The following ZC3H7A variants were observed in gnomAD, a reference collection of about 807,000 sequenced individuals.
ZC3H7A encodes zinc finger CCCH domain-containing protein 7A.
ZC3H7A carries 44 observed loss-of-function variants against 125.5 expected under a neutral mutation model. The ratio of observed to expected loss-of-function variants is 0.35; its 90% CI spans 0.28 to 0.45. ZC3H7A has a LOEUF of 0.45. ZC3H7A is among the 20% of genes least tolerant of loss of function. The pLI is 1.00. For missense variants in ZC3H7A, 977 were observed against 1,170.7 expected, an observed-to-expected ratio of 0.83 and a Z score of 2.41; for synonymous variants, 399 against 391.2, an observed-to-expected ratio of 1.02 and a Z score of -0.23.
chr16:11,753,475 G>A (rs8047967), intron 21 of ZC3H7A, among the ~76,000 whole-genome samples: 6,289 of 152,048 alleles, frequency 0.041, 452 homozygotes, highest in African/African-American at 0.14. Flanking sequence ...ACATGGTCTC[G>A]CTGTCATCCA....
intron 5 of ZC3H7A, 84 bp downstream of exon 5, chr16:11,776,667 T>G: frequency 3.9e-6 from 6 of 1,524,204 alleles, no homozygotes; most frequent in Non-Finnish European, 5.3e-6. Flanking sequence ...GGTTGATGGA[T>G]GACTGGAAAA....
intron 20 of ZC3H7A, 57 bp downstream of exon 20, chr16:11,758,374 G>C: frequency 1.5e-6 from 2 of 1,295,184 alleles, no homozygotes; most frequent in Admixed American, 1.7e-5. Flanking sequence ...TATTTATAGA[G>C]AGGAAAAGAA....
Position 11,751,265 on chromosome 16 carries a change from C to T in ZC3H7A, c.*52G>A. On this transcript the variant is annotated 3_prime_UTR_variant, in exon 23 of 23. Coordinates refer to ENST00000355758, the MANE Select transcript of ZC3H7A (RefSeq NM_014153.4). ...TCTGCTATGTGCCTCAGAACACTTT[C>T]AATTTTTCTGGTCAATGCTCTGATT... 1 of 1,535,242 alleles carries T rather than the reference C, an allele frequency of 6.5e-7. No homozygotes were observed. Among genetic ancestry groups the T allele is most frequent in the Admixed American group, 2.0e-5 (1 of 49,340 alleles).
Position 11,751,245 on chromosome 16 carries a change from T to C in ZC3H7A, c.*72A>G, listed in dbSNP as rs1340726492. On this transcript the variant is annotated 3_prime_UTR_variant, in exon 23 of 23. Transcript: ENST00000355758. ...AGCAGGAAATCTGCAGCTCCTCTGC[T>C]ATGTGCCTCAGAACACTTTCAATTT... is the stretch of plus-strand genomic sequence containing the variant. The C allele has an allele frequency of 4.1e-6, 6 of 1,450,518 alleles. No individual in the cohort carries two copies. Among genetic ancestry groups the C allele is most frequent in the Non-Finnish European group, 3.7e-6 (4 of 1,077,040 alleles). The allele number at this position is 1,450,518 out of a possible 1,614,324, so 89.9% of individuals were successfully genotyped here. A position where few individuals can be genotyped will look rare whatever the true frequency, so the allele number is the denominator to read the frequency against.
At position 11,774,345 on chromosome 16, in the gene ZC3H7A, T is replaced by C. The variant is rs2053043588; in HGVS notation, c.794A>G (p.Lys265Arg). 6.2e-7 allele frequency: 1 copy of C among 1,614,028 alleles called. No individual in the cohort carries two copies. The highest frequency in any genetic ancestry group is 1.3e-5 in the African/African-American group (1 of 74,934). ...LPSAVLANGG[K>R]MPFTMPEAFL... ...AGCTTCTGGCATAGTGAAGGGCATC[T>C]TTCCTCCATTTGCCAGCACTGCAGA... Residue 265 changes from lysine to arginine, a missense_variant, in exon 9 of 23, where the codon AAG (lysine) becomes AGG (arginine). By Grantham distance (26) the Lys-to-Arg change is conservative (BLOSUM62 2). This residue lies in a region of ZC3H7A where 342 missense variants were observed against 311.3 expected (regional missense o/e 1.10). Coordinates refer to ENST00000355758, the MANE Select transcript of ZC3H7A (RefSeq NM_014153.4).
Position 11,770,188 on chromosome 16 carries a change from A to T in ZC3H7A, c.1108+595T>A, listed in dbSNP as rs2052955105. Among the ~76,000 whole-genome samples the T allele has an allele frequency of 2.0e-5, 3 of 152,128 alleles. No homozygotes were observed. The South Asian group carries it at 6.2e-4, about 31-fold the overall frequency. ...AGTCAATCTTTAAGTCAATTATGTA[A>T]GATTTTTGCCCTTTTAGCCACGTAA... On this transcript the variant is annotated intron_variant, in intron 10 of 22. Coordinates refer to ENST00000355758, the MANE Select transcript of ZC3H7A (RefSeq NM_014153.4).
intron 21 of ZC3H7A, among the ~76,000 whole-genome samples, chr16:11,754,424 G>A: frequency 6.6e-6 from 1 of 151,120 alleles, no homozygotes; most frequent in Non-Finnish European, 1.5e-5. Flanking sequence ...CATGTCACAA[G>A]CAGAGAGACG....
chr16:11,795,270 G>A (rs2053418564), intron 1 of ZC3H7A, among the ~76,000 whole-genome samples: 1 of 152,218 alleles, frequency 6.6e-6, no homozygotes, highest in African/African-American at 2.4e-5. Flanking sequence ...GAGAGCTTAA[G>A]GGAAGGAGGC....
At chr16:11,791,689 C>G (rs1407080141) in intron 1 of ZC3H7A, among the ~76,000 whole-genome samples, 2 of 152,182 alleles carry the variant, frequency 1.3e-5, no homozygotes, top group Admixed American at 6.5e-5. Context: ...GGGTGCCCAG[C>G]AGGAAATGAC....
chr16:11,762,396 G>A (rs2052767445), intron 17 of ZC3H7A, among the ~76,000 whole-genome samples: 3 of 152,182 alleles, frequency 2.0e-5, no homozygotes, highest in South Asian at 2.1e-4. Flanking sequence ...CCCTTACTCC[G>A]AGAACCCGTA....
intron 19 of ZC3H7A, among the ~76,000 whole-genome samples, chr16:11,760,665 C>A (rs1392292477): frequency 6.6e-6 from 1 of 152,232 alleles, no homozygotes; most frequent in Non-Finnish European, 1.5e-5. Flanking sequence ...AGAGAGCTTA[C>A]TACCTGTAGA....
intron 4 of ZC3H7A, 62 bp downstream of exon 4, chr16:11,779,104 T>C (rs1369039720): frequency 7.5e-7 from 1 of 1,329,474 alleles, no homozygotes. Context: ...TTTATTAATG[T>C]ACTAAGTCAT....
chr16:11,756,521 C>T (rs1460339868), intron 20 of ZC3H7A, 151 bp from the exon 21 acceptor site: 2 of 971,642 alleles, frequency 2.1e-6, no homozygotes, highest in Non-Finnish European at 2.9e-6. Context: ...GAGAGATCAC[C>T]CAGTTCAAGC....
chr16:11,778,530 T>C (rs925306065), intron 4 of ZC3H7A, among the ~76,000 whole-genome samples: 1 of 151,298 alleles, frequency 6.6e-6, no homozygotes, highest in Non-Finnish European at 1.5e-5. Flanking sequence ...ATGTTAACTG[T>C]GAACAGGGAT....
In ZC3H7A at chr16:11,779,370, A is replaced by C. The variant is rs755110881; in HGVS notation, c.109-7T>G. 2 of 1,604,658 alleles carry C rather than the reference A, an allele frequency of 1.2e-6. No individual in the cohort carries two copies. Among genetic ancestry groups the C allele is most frequent in the South Asian group, 2.3e-5 (2 of 88,274 alleles). On this transcript the variant is annotated splice_polypyrimidine_tract_variant and splice_region_variant and intron_variant, in intron 3 of 22. Transcript: ENST00000355758. ...CGAGAGCACGCAAATATACCTAAAA[A>C]AAAGAAAGTTACCACTTGAAGCCTT... is the stretch of plus-strand genomic sequence containing the variant.
At chr16:11,772,162 AC>A (rs1567383513) in intron 9 of ZC3H7A, among the ~76,000 whole-genome samples, 1 of 150,012 alleles carries the variant, frequency 6.7e-6, no homozygotes, top group Admixed American at 6.6e-5. Flanking sequence ...ACCACTGCAC[AC>A]CAGCCTGGGC....
rs200304212 is a variant in ZC3H7A, at chr16:11,756,357, C to T, written c.2442G>A (p.Glu814=). ...YMKENGIQDM[E]QFYELWLKSQ... is the part of the protein sequence containing the mutation. Reference sequence around the variant, plus strand: ...TCTTGAGCCATAGTTCGTAAAATTGCTCCATATCTTGTACTAAAGAAAAAT... The same window carrying T: ...TCTTGAGCCATAGTTCGTAAAATTGTTCCATATCTTGTACTAAAGAAAAAT... The change falls in exon 21 of 23, where the codon GAG becomes GAA. Residue 814 remains glutamate, a synonymous_variant. Transcript: ENST00000355758. 8 of 1,612,934 alleles carry T rather than the reference C, an allele frequency of 5.0e-6. No individual in the cohort carries two copies. The highest frequency in any genetic ancestry group is 6.8e-6 in the Non-Finnish European group (8 of 1,179,744).
At chr16:11,753,485 A>C (rs910155212) in intron 21 of ZC3H7A, among the ~76,000 whole-genome samples, 4 of 152,138 alleles carry the variant, frequency 2.6e-5, no homozygotes, top group African/African-American at 9.7e-5. Context: ...GCTGTCATCC[A>C]GGCTAGAGTA....
In ZC3H7A at chr16:11,770,932, G is replaced by A. The variant is rs368829548; in HGVS notation, c.959C>T (p.Pro320Leu). Residue 320 changes from proline (P) to leucine (L), a missense_variant, in exon 10 of 23, where the codon CCC (proline) becomes CTC (leucine). Transcript: ENST00000355758. ...LQTASVSPSM[P>L]FSASLLGTLP... Reference sequence around the variant, plus strand: ...GGTTCCTAACAGCGATGCCGAAAAGGGCATGCTAGGAGAGACACTGGCTGT... The same window carrying A: ...GGTTCCTAACAGCGATGCCGAAAAGAGCATGCTAGGAGAGACACTGGCTGT... 1.4e-5 allele frequency: 22 copies of A among 1,613,874 alleles called. No individual in the cohort carries two copies. Among genetic ancestry groups the A allele is most frequent in the Non-Finnish European group, 1.8e-5 (21 of 1,179,864 alleles).
Sources: gnomAD v4.1 joint callset for allele counts (sites outside exome capture counted in the v4.1 genomes callset) on GRCh38, gnomAD v4.1.1 for gene constraint, gnomAD v4.1.1 regional missense constraint, MANE v1.5 for transcripts, NCBI Gene and HGNC (gene_info 2026-07-23, HGNC 2026-07-21) for gene names.